The following ADORA2B variants were observed in gnomAD, a reference collection of about 807,000 sequenced individuals.
ADORA2B encodes adenosine receptor A2b.
In ADORA2B, 18 loss-of-function variants were observed where a neutral mutation model predicts 20.8. The observed-to-expected ratio is 0.87, with a 90% CI of 0.60 to 1.29. The LOEUF is 1.29. Ranked by LOEUF, ADORA2B falls within the 50% of genes most tolerant of loss-of-function variation. The pLI, the probability that ADORA2B is intolerant of heterozygous loss-of-function variation, is 0.00. For synonymous variants in ADORA2B, 179 were observed against 178.3 expected (o/e 1.00, Z -0.03); for missense variants, 441 against 422.7 (o/e 1.04, Z -0.38).
upstream of ADORA2B, among the ~76,000 whole-genome samples, chr17:15,943,497 ATTT>A (rs1393137226): frequency 6.6e-6 from 1 of 151,918 alleles, no homozygotes; most frequent in African/African-American, 2.4e-5. Flanking sequence ...TGGCTGATTT[ATTT>A]TTTATTTGTT....
At chr17:15,972,819 C>T (rs1053504293) in intron 1 of ADORA2B, among the ~76,000 whole-genome samples, 1 of 152,094 alleles carries the variant, frequency 6.6e-6, no homozygotes, top group Non-Finnish European at 1.5e-5. Flanking sequence ...GTGGTGCAAT[C>T]ACAGCTCACT....
the ADORA2B span, among the ~76,000 whole-genome samples, chr17:15,930,433 C>T: frequency 6.6e-6 from 1 of 151,898 alleles, no homozygotes; most frequent in South Asian, 2.1e-4. Flanking sequence ...GGAGCTGGGA[C>T]AACAGGTGTG....
At chr17:15,861,780 A>T in the ADORA2B span, among the ~76,000 whole-genome samples, 4 of 151,904 alleles carry the variant, frequency 2.6e-5, no homozygotes, top group African/African-American at 9.7e-5. Flanking sequence ...GTTACAGCAA[A>T]CCTCTTTCAA....
At chr17:15,935,631 A>T in the ADORA2B span, among the ~76,000 whole-genome samples, 1 of 151,206 alleles carries the variant, frequency 6.6e-6, no homozygotes, top group African/African-American at 2.4e-5. Flanking sequence ...TTATGTTTAA[A>T]TTTTTCTGTT....
At chr17:15,947,132 G>A (rs959357662) in intron 1 of ADORA2B, among the ~76,000 whole-genome samples, 1 of 152,204 alleles carries the variant, frequency 6.6e-6, no homozygotes, top group African/African-American at 2.4e-5. Flanking sequence ...TCTCCCATCA[G>A]GTGTGACAGC....
chr17:15,893,226 T>C, the ADORA2B span, among the ~76,000 whole-genome samples: 1 of 152,352 alleles, frequency 6.6e-6, no homozygotes, highest in African/African-American at 2.4e-5. Flanking sequence ...TGTTAACCTT[T>C]TTTATATCTG....
At chr17:15,948,822 T>C (rs1969853605) in intron 1 of ADORA2B, among the ~76,000 whole-genome samples, 1 of 152,184 alleles carries the variant, frequency 6.6e-6, no homozygotes, top group Non-Finnish European at 1.5e-5. Context: ...GTATCTGGTC[T>C]TTGAGGTAGG....
At chr17:15,912,531 G>A in the ADORA2B span, among the ~76,000 whole-genome samples, 2 of 152,142 alleles carry the variant, frequency 1.3e-5, no homozygotes, top group Non-Finnish European at 2.9e-5. Context: ...CTCGGATAAG[G>A]GATCATCACT....
the ADORA2B span, among the ~76,000 whole-genome samples, chr17:15,906,820 G>A: frequency 6.6e-6 from 1 of 152,156 alleles, no homozygotes; most frequent in Non-Finnish European, 1.5e-5. Context: ...TCTGACATGT[G>A]CAAAATATTT....
chr17:15,939,859 CAAAAAAAAAAA>C, the ADORA2B span, among the ~76,000 whole-genome samples: 4 of 53,366 alleles, frequency 7.5e-5, no homozygotes, highest in Admixed American at 4.2e-4. Flanking sequence ...GACTCTGTCT[CAAAAAAAAAAA>C]AAAAAAAAAA....
the ADORA2B span, among the ~76,000 whole-genome samples, chr17:15,869,766 T>C: frequency 1.3e-5 from 2 of 152,138 alleles, no homozygotes; most frequent in Non-Finnish European, 2.9e-5. Context: ...TGAATTAAAA[T>C]ACACACATAA....
intron 1 of ADORA2B, among the ~76,000 whole-genome samples, chr17:15,957,051 C>T (rs900212284): frequency 2.0e-5 from 3 of 152,058 alleles, no homozygotes; most frequent in Non-Finnish European, 2.9e-5. Context: ...AAGGAATGGA[C>T]GGGACAAGAT....
upstream of ADORA2B, among the ~76,000 whole-genome samples, chr17:15,942,555 A>G (rs1969753904): frequency 1.3e-5 from 2 of 152,238 alleles, no homozygotes; most frequent in African/African-American, 4.8e-5. Flanking sequence ...TTCCTGATGG[A>G]GGTTGGGCTC....
At chr17:15,905,889 C>T in the ADORA2B span, among the ~76,000 whole-genome samples, 7 of 152,260 alleles carry the variant, frequency 4.6e-5, no homozygotes, top group Admixed American at 2.0e-4. Context: ...CTCCTGACCT[C>T]GTGATCTGCC....
chr17:15,967,137 G>A (rs900867446), intron 1 of ADORA2B, among the ~76,000 whole-genome samples: 4 of 152,280 alleles, frequency 2.6e-5, no homozygotes, highest in Admixed American at 6.5e-5. Context: ...AGGAGAGGGC[G>A]TGGCAGGTGG....
At chr17:15,948,818 G>A (rs1296409385) in intron 1 of ADORA2B, among the ~76,000 whole-genome samples, 1 of 152,080 alleles carries the variant, frequency 6.6e-6, no homozygotes, top group Non-Finnish European at 1.5e-5. Flanking sequence ...TCACGTATCT[G>A]GTCTTTGAGG....
the ADORA2B span, among the ~76,000 whole-genome samples, chr17:15,923,409 T>TATATA: frequency 3.8e-5 from 4 of 105,894 alleles, no homozygotes; most frequent in Non-Finnish European, 8.6e-5. Flanking sequence ...ATATATATAT[T>TATATA]TTTTTTTTCT....
At chr17:15,864,442 C>G in the ADORA2B span, among the ~76,000 whole-genome samples, 3 of 151,266 alleles carry the variant, frequency 2.0e-5, no homozygotes, top group Non-Finnish European at 4.4e-5. Context: ...GAAATTCTCA[C>G]CAGGCCAAAA....
the ADORA2B span, among the ~76,000 whole-genome samples, chr17:15,859,161 G>T: frequency 2.6e-5 from 4 of 152,052 alleles, no homozygotes; most frequent in Non-Finnish European, 5.9e-5. Context: ...CTAAAGTTGA[G>T]ACCACAACAA....
Sources: allele counts gnomAD v4.1 joint callset (sites outside exome capture counted in the v4.1 genomes callset), GRCh38; gene constraint gnomAD v4.1.1; transcripts MANE v1.5; gene names NCBI Gene and HGNC (gene_info 2026-07-23, HGNC 2026-07-21).